EML1: variants seen among roughly 807,000 people sequenced by gnomAD.
EML1 encodes echinoderm microtubule-associated protein-like 1.
A neutral mutation model predicts 110.4 loss-of-function variants in EML1; 27 were observed. The observed-to-expected ratio is 0.24, with a 90% CI of 0.18 to 0.34. EML1 has a LOEUF of 0.34. Ranked by LOEUF, EML1 falls within the 10% of genes least tolerant of loss-of-function variation. The pLI is 1.00. For synonymous variants in EML1, 344 were observed against 385.8 expected (o/e 0.89, Z 1.27); for missense variants, 741 against 1,030.9 (o/e 0.72, Z 3.85).
intron 1 of EML1, among the ~76,000 whole-genome samples, chr14:99,844,913 C>T (rs1004304730): frequency 6.6e-6 from 1 of 152,176 alleles, no homozygotes; most frequent in African/African-American, 2.4e-5. Context: ...ACAGTTTATC[C>T]ATTCACCAGT....
Position 99,865,611 on chromosome 14 carries a change from G to A in EML1, c.348G>A (p.Gly116=). The A allele has an allele frequency of 1.9e-6, 3 of 1,614,110 alleles. No homozygotes were observed. Among genetic ancestry groups the A allele is most frequent in the Non-Finnish European group, 2.5e-6 (3 of 1,180,012 alleles). Residue 116 remains glycine (G), a synonymous_variant, in exon 3 of 22, where the codon GGG becomes GGA. Transcript: ENST00000262233. ...KPTGSLPSPS[G]VRKETAVPAT... is the part of the protein sequence containing the mutation. ...CTGGCTCTCTACCATCCCCCTCCGG[G>A]GTCAGGAAAGAAACTGCTGTGCCAG...
chr14:99,818,030 G>A (rs1214508256), intron 1 of EML1, among the ~76,000 whole-genome samples: 2 of 152,040 alleles, frequency 1.3e-5, no homozygotes, highest in East Asian at 1.9e-4. Flanking sequence ...AGAGTGGCTC[G>A]GGAAAAGGCT....
chr14:99,892,246 A>G (rs2059600172), intron 5 of EML1: 1 of 978,010 alleles, frequency 1.0e-6, no homozygotes, highest in South Asian at 4.7e-5. Context: ...GCTGTTACCC[A>G]GGCTACAGAA....
chr14:99,851,751 A>T (rs61110029), intron 2 of EML1, among the ~76,000 whole-genome samples: 5,676 of 152,110 alleles, frequency 0.037, 378 homozygotes, highest in African/African-American at 0.13. Context: ...TTATACTGTC[A>T]TTCAGTTCAG....
intron 5 of EML1, 128 bp downstream of exon 5, chr14:99,891,355 A>G (rs1296447158): frequency 4.3e-6 from 5 of 1,169,266 alleles, no homozygotes; most frequent in East Asian, 4.7e-5. Context: ...GTGCAGGCCC[A>G]GATGGAGCTT....
intron 15 of EML1, among the ~76,000 whole-genome samples, chr14:99,915,756 G>A (rs1311030072): frequency 1.3e-5 from 2 of 152,288 alleles, no homozygotes; most frequent in South Asian, 2.1e-4. Context: ...GCACTGCAGC[G>A]AATCGGAAGC....
intron 1 of EML1, among the ~76,000 whole-genome samples, chr14:99,824,858 TA>T (rs1176159229): frequency 6.6e-6 from 1 of 152,084 alleles, no homozygotes; most frequent in Non-Finnish European, 1.5e-5. Context: ...CACTTATGAG[TA>T]AGGACGTGCA....
intron 17 of EML1, among the ~76,000 whole-genome samples, chr14:99,929,504 A>G (rs1264893239): frequency 1.3e-5 from 2 of 152,236 alleles, no homozygotes; most frequent in Non-Finnish European, 1.5e-5. Flanking sequence ...CTGTGTGCCC[A>G]GCTAGCTCCT....
At chr14:99,913,185 A>AATT (rs1252537115) in intron 13 of EML1, among the ~76,000 whole-genome samples, 2 of 149,988 alleles carry the variant, frequency 1.3e-5, no homozygotes, top group Admixed American at 1.3e-4. Context: ...TATTATTATT[A>AATT]ATTATTATTA....
At chr14:99,767,583 C>G (rs2057380361) in intron 1 of EML1, among the ~76,000 whole-genome samples, 1 of 152,008 alleles carries the variant, frequency 6.6e-6, no homozygotes, top group African/African-American at 2.4e-5. Context: ...GCACTCCATC[C>G]TGGTGACAGA....
At chr14:99,910,176 T>G in intron 11 of EML1, 66 bp from the exon 12 acceptor site, 1 of 1,185,586 alleles carries the variant, frequency 8.4e-7, no homozygotes, top group Non-Finnish European at 1.2e-6. Flanking sequence ...AAATGAAAGG[T>G]TGTCTGGAAT....
intron 17 of EML1, among the ~76,000 whole-genome samples, chr14:99,928,798 C>T (rs2060314582): frequency 2.0e-5 from 3 of 152,164 alleles, no homozygotes; most frequent in Admixed American, 2.0e-4. Context: ...CTCTGAACCA[C>T]GTTCATAACT....
rs148797408 is a variant in EML1, at chr14:99,940,296, C to G, written c.*184C>G. Reference sequence around the variant, plus strand: ...CACAGCGGATCAGCGGTTCCGTGTTCACTTTTGTTGTACAATATATGACAC... The same window carrying G: ...CACAGCGGATCAGCGGTTCCGTGTTGACTTTTGTTGTACAATATATGACAC... On this transcript the variant is annotated 3_prime_UTR_variant, in exon 22 of 22. Coordinates refer to ENST00000262233, the MANE Select transcript of EML1 (RefSeq NM_004434.3). 1.5e-4 allele frequency: 113 copies of G among 750,790 alleles called. No individual in the cohort carries two copies. In the African/African-American group the frequency reaches 1.7e-3, roughly 12 times the overall value. The allele number at this position is 750,790 out of a possible 1,614,324, so 46.5% of individuals were successfully genotyped here. A position where few individuals can be genotyped will look rare whatever the true frequency, so the allele number is the denominator to read the frequency against.
At chr14:99,823,576 T>C (rs2058300688) in intron 1 of EML1, among the ~76,000 whole-genome samples, 1 of 152,064 alleles carries the variant, frequency 6.6e-6, no homozygotes, top group Non-Finnish European at 1.5e-5. Context: ...ACCGTGAAAG[T>C]GCTAGAACGT....
intron 1 of EML1, among the ~76,000 whole-genome samples, chr14:99,778,765 ATAATTTT>A (rs1345350280): frequency 6.6e-6 from 1 of 152,204 alleles, no homozygotes; most frequent in Non-Finnish European, 1.5e-5. Context: ...ACAGGTTAAA[ATAATTTT>A]TTCCCTCAAA....
At chr14:99,833,917 C>T (rs1191331498) in intron 1 of EML1, among the ~76,000 whole-genome samples, 2 of 152,158 alleles carry the variant, frequency 1.3e-5, no homozygotes, top group Non-Finnish European at 1.5e-5. Context: ...GTTGGACAGC[C>T]ATGTCATTTG....
At position 99,942,052 on chromosome 14, in the gene EML1, G is replaced by C. The variant is rs2060598576; in HGVS notation, c.*1940G>C. ...TATGAATGAATGAATGAATTTGATGGATTTAAAATGGCTTCATTTCATTTT... is the reference window on the plus strand; with the variant it reads ...TATGAATGAATGAATGAATTTGATGCATTTAAAATGGCTTCATTTCATTTT... On this transcript the variant is annotated 3_prime_UTR_variant, in exon 22 of 22. Transcript: ENST00000262233. 1 of 152,094 alleles carries C rather than the reference G, an allele frequency of 6.6e-6. No homozygotes were observed. The highest frequency in any genetic ancestry group is 1.5e-5 in the Non-Finnish European group (1 of 68,010). 9.4% of individuals were successfully genotyped at this position (152,094 alleles called of 1,614,324 possible).
At chr14:99,747,760 A>C (rs1451929558) in intron 1 of EML1, among the ~76,000 whole-genome samples, 2 of 152,166 alleles carry the variant, frequency 1.3e-5, no homozygotes, top group East Asian at 3.9e-4. Context: ...GGGAGGCCTG[A>C]GTGGAAGCCA....
At chr14:99,761,914 G>A (rs1030428059) in intron 1 of EML1, among the ~76,000 whole-genome samples, 1 of 101,684 alleles carries the variant, frequency 9.8e-6, no homozygotes, top group Non-Finnish European at 2.0e-5. Context: ...GACAGAGTGA[G>A]ACTCTGTCTC....
Sources: gnomAD v4.1 joint callset for allele counts (sites outside exome capture counted in the v4.1 genomes callset) on GRCh38, gnomAD v4.1.1 for gene constraint, MANE v1.5 for transcripts, NCBI Gene and HGNC (gene_info 2026-07-23, HGNC 2026-07-21) for gene names.